The following SRGAP1 variants were observed in gnomAD, a reference collection of about 807,000 sequenced individuals.
The protein encoded by SRGAP1 is SLIT-ROBO Rho GTPase activating protein 1, also known as SLIT-ROBO Rho GTPase-activating protein 1.
A neutral mutation model predicts 121.9 loss-of-function variants in SRGAP1; 43 were observed. The ratio of observed to expected loss-of-function variants is 0.35; its 90% CI spans 0.28 to 0.46. The LOEUF is 0.46. Ranked by LOEUF, SRGAP1 falls within the 20% of genes least tolerant of loss-of-function variation. The probability of loss-of-function intolerance (pLI) is 1.00; values close to 1 mark genes in which losing one functional copy is unlikely to be tolerated. For synonymous variants in SRGAP1, 447 were observed against 485.4 expected, an observed-to-expected ratio of 0.92 and a Z score of 1.04; for missense variants, 1,102 against 1,350.9, an observed-to-expected ratio of 0.82 and a Z score of 2.89.
chr12:64,095,543 C>T (rs2036140243), intron 14 of SRGAP1, among the ~76,000 whole-genome samples: 1 of 152,090 alleles, frequency 6.6e-6, no homozygotes, highest in Admixed American at 6.5e-5. Context: ...GCAGCTCCTC[C>T]CTGCTGCCCA....
chr12:64,042,854 C>A lies in SRGAP1; in HGVS notation c.554C>A (p.Ala185Asp), dbSNP rs1326431924. 1 of 1,613,612 alleles carries A rather than the reference C, an allele frequency of 6.2e-7. No homozygotes were observed. Among genetic ancestry groups the A allele is most frequent in the Non-Finnish European group, 8.5e-7 (1 of 1,179,778 alleles). Residue 185 changes from alanine (A) to aspartate (D), a missense_variant, in exon 5 of 22, where the codon GCC (alanine) becomes GAC (aspartate). Ala to Asp is a moderately radical substitution (Grantham distance 126). This residue lies in a region of SRGAP1 where 747 missense variants were observed against 929.4 expected (regional missense o/e 0.80). Transcript: ENST00000355086. ...AGTGCAGAGAGCAAGCTGAAAGAGG[C>A]CGAAAAACAAGAGGAAAAGCAAATT... ...SISAESKLKE[A>D]EKQEEKQIGR... is the part of the protein sequence containing the mutation.
chr12:63,914,205 G>A (rs1031476527), intron 1 of SRGAP1, among the ~76,000 whole-genome samples: 4 of 152,072 alleles, frequency 2.6e-5, no homozygotes, highest in East Asian at 1.9e-4. Context: ...TGTAATTAAC[G>A]GTTTATGGTT....
At chr12:64,084,963 G>A (rs543477690) in intron 10 of SRGAP1, among the ~76,000 whole-genome samples, 82 of 152,134 alleles carry the variant, frequency 5.4e-4, no homozygotes, top group South Asian at 1.9e-3. Context: ...AGGCATATGA[G>A]GCAGACAGAA....
rs907830083 is a variant in SRGAP1 at position 63,984,092 on chromosome 12, A to G, written c.213A>G (p.Ala71=). ...TEYSRNLEKL[A]ERFMAKTRST... Reference sequence around the variant, plus strand: ...ATTCCCGGAATCTAGAGAAGTTAGCAGAAAGGTTCATGGCAAAAACAAGAA... The same window carrying G: ...ATTCCCGGAATCTAGAGAAGTTAGCGGAAAGGTTCATGGCAAAAACAAGAA... The change falls in exon 2 of 22, where the codon GCA becomes GCG. Residue 71 remains alanine (A), a synonymous_variant. Coordinates refer to ENST00000355086, the MANE Select transcript of SRGAP1 (RefSeq NM_020762.4). 1 of 1,532,054 alleles carries G rather than the reference A, an allele frequency of 6.5e-7. No individual in the cohort carries two copies. 94.9% of individuals were successfully genotyped at this position (1,532,054 alleles called of 1,614,324 possible).
intron 7 of SRGAP1, 90 bp downstream of exon 7, chr12:64,063,228 C>G (rs1463940931): frequency 1.7e-6 from 2 of 1,197,970 alleles, no homozygotes; most frequent in Admixed American, 2.1e-5. Flanking sequence ...TAATAATTCC[C>G]AGTTGTTTTC....
At chr12:64,111,615 A>G in intron 16 of SRGAP1, 147 bp from the exon 17 acceptor site, 1 of 646,384 alleles carries the variant, frequency 1.5e-6, no homozygotes, top group African/African-American at 1.8e-5. Flanking sequence ...AGTTAAGGTC[A>G]TAAGTCATTT....
intron 21 of SRGAP1, among the ~76,000 whole-genome samples, chr12:64,134,622 T>G (rs1159872973): frequency 6.6e-6 from 1 of 152,118 alleles, no homozygotes; most frequent in Non-Finnish European, 1.5e-5. Flanking sequence ...GTGCTCACAG[T>G]GGGCCATCTT....
At chr12:64,095,086 G>T in intron 13 of SRGAP1, 41 bp from the exon 14 acceptor site, 1 of 1,609,606 alleles carries the variant, frequency 6.2e-7, no homozygotes, top group South Asian at 1.1e-5. Context: ...CCTAGACAAT[G>T]TGATGGGGGT....
intron 1 of SRGAP1, among the ~76,000 whole-genome samples, chr12:63,909,151 G>A (rs2136314611): frequency 6.6e-6 from 1 of 152,288 alleles, no homozygotes; most frequent in South Asian, 2.1e-4. Flanking sequence ...GCCTCCCAAA[G>A]TGCTGGGATT....
At chr12:63,870,557 T>A in intron 1 of SRGAP1, among the ~76,000 whole-genome samples, 1 of 129,270 alleles carries the variant, frequency 7.7e-6, no homozygotes, top group Non-Finnish European at 1.6e-5. Flanking sequence ...TTTTTTTTTT[T>A]GAGAGAGTCT....
At chr12:64,129,438 G>T (rs2036749325) in intron 21 of SRGAP1, among the ~76,000 whole-genome samples, 1 of 152,114 alleles carries the variant, frequency 6.6e-6, no homozygotes, top group Admixed American at 6.5e-5. Flanking sequence ...TTAAGGGTGG[G>T]TCTGCCTTCC....
At chr12:63,859,306 T>C (rs1414076741) in intron 1 of SRGAP1, among the ~76,000 whole-genome samples, 2 of 152,062 alleles carry the variant, frequency 1.3e-5, no homozygotes, top group South Asian at 2.1e-4. Flanking sequence ...ATTACAGGTA[T>C]GCACCACCAT....
In SRGAP1 at chr12:64,091,288, T is replaced by TC. The variant is rs1484582796; in HGVS notation, c.1454dup (p.Lys486Ter). Reference sequence around the variant, plus strand: ...TCCCTTCCCTTAGGCCTCCAAATGTTCCCCCTAAGCCCCAGAAACACAGGA... The same window carrying TC: ...TCCCTTCCCTTAGGCCTCCAAATGTTCCCCCCTAAGCCCCAGAAACACAGGA... On this transcript the variant is annotated frameshift_variant, in exon 12 of 22. Transcript: ENST00000355086. LOFTEE classifies it high-confidence loss of function. 2 of 1,593,112 alleles carry TC rather than the reference T, an allele frequency of 1.3e-6. No homozygotes were observed. Among genetic ancestry groups the TC allele is most frequent in the Non-Finnish European group, 1.7e-6 (2 of 1,166,940 alleles).
At position 63,868,076 on chromosome 12, in the gene SRGAP1, TTTGTTTTTTTTTTTTTG is replaced by T. The variant is rs1565927728; in HGVS notation, c.67+23196_67+23212del. On this transcript the variant is annotated intron_variant, in intron 1 of 21. Coordinates refer to ENST00000355086, the MANE Select transcript of SRGAP1 (RefSeq NM_020762.4). Reference sequence around the variant, plus strand: ...TATATATTTTTTTTTTTTTTTTTTTTTTGTTTTTTTTTTTTTGTTTTTTGAGATAGAGTTTCACTCTG... The same window carrying T: ...TATATATTTTTTTTTTTTTTTTTTTTTTTTTTGAGATAGAGTTTCACTCTG... Among the ~76,000 whole-genome samples the T allele has an allele frequency of 1.4e-3, 130 of 95,810 alleles. 1 individual carries two copies. The highest frequency in any genetic ancestry group is 5.0e-3 in the African/African-American group (116 of 23,340). 62.9% of individuals were successfully genotyped at this position (95,810 alleles called of 152,430 possible).
At chr12:64,053,186 TG>T (rs2035271881) in intron 6 of SRGAP1, among the ~76,000 whole-genome samples, 1 of 152,140 alleles carries the variant, frequency 6.6e-6, no homozygotes, top group African/African-American at 2.4e-5. Context: ...AGAGCAAGGG[TG>T]GATAAACATT....
At chr12:64,060,864 G>A (rs948766964) in intron 6 of SRGAP1, among the ~76,000 whole-genome samples, 4 of 152,180 alleles carry the variant, frequency 2.6e-5, no homozygotes, top group Non-Finnish European at 5.9e-5. Flanking sequence ...GATGGAGATA[G>A]TTTATTTACT....
chr12:63,919,417 G>A (rs553990874), intron 1 of SRGAP1, among the ~76,000 whole-genome samples: 117 of 149,882 alleles, frequency 7.8e-4, no homozygotes, highest in Admixed American at 1.1e-3. Flanking sequence ...TGATCCACCT[G>A]CCTTGGCCTA....
intron 1 of SRGAP1, among the ~76,000 whole-genome samples, chr12:63,886,717 C>T (rs1010137056): frequency 3.3e-5 from 5 of 152,144 alleles, no homozygotes; most frequent in Middle Eastern, 3.2e-3. Flanking sequence ...AGCCATCCTT[C>T]GCCTTGGCCT....
intron 8 of SRGAP1, among the ~76,000 whole-genome samples, chr12:64,070,837 A>G (rs2035623911): frequency 6.6e-6 from 1 of 152,198 alleles, no homozygotes; most frequent in South Asian, 2.1e-4. Flanking sequence ...TTTTCCCCCC[A>G]AATTTCTTAT....
Sources: gnomAD v4.1 joint callset for allele counts (sites outside exome capture counted in the v4.1 genomes callset) on GRCh38, gnomAD v4.1.1 for gene constraint, gnomAD v4.1.1 regional missense constraint, MANE v1.5 for transcripts, NCBI Gene and HGNC (gene_info 2026-07-23, HGNC 2026-07-21) for gene names.